SSBP3: variants seen among roughly 807,000 people sequenced by gnomAD.
SSBP3 encodes single-stranded DNA-binding protein 3.
SSBP3 carries 5 observed loss-of-function variants against 69.6 expected under a neutral mutation model. The ratio of observed to expected loss-of-function variants is 0.07; its 90% CI spans 0.04 to 0.15. The LOEUF (loss-of-function observed/expected upper bound fraction) is 0.15. Among genes scored for constraint, SSBP3 ranks in the 10% least tolerant of loss-of-function variants. The probability of loss-of-function intolerance (pLI) is 1.00; values close to 1 mark genes in which losing one functional copy is unlikely to be tolerated. For synonymous variants in SSBP3, 196 were observed against 193.4 expected, an observed-to-expected ratio of 1.01 and a Z score of -0.11; for missense variants, 312 against 534.0, an observed-to-expected ratio of 0.58 and a Z score of 4.10.
Position 54,225,792 on chromosome 1 carries a change from C to T in SSBP3, c.*1339G>A, listed in dbSNP as rs9012. The stretch of plus-strand genomic sequence containing the variant: ...GTGAGTGGGGCCATGAGCACCCTCC[C>T]GGGAGGGGACAGGCTCCACTGTCGG... On this transcript the variant is annotated 3_prime_UTR_variant, in exon 18 of 18. Coordinates refer to ENST00000610401, the Ensembl canonical transcript of SSBP3. The T allele has an allele frequency of 0.29, 44,251 of 152,904 alleles. 6,548 individuals are homozygous for T. Among genetic ancestry groups the T allele is most frequent in the Non-Finnish European group, 0.31 (21,051 of 68,724 alleles). 9.5% of individuals were successfully genotyped at this position (152,904 alleles called of 1,614,324 possible). A position where few individuals can be genotyped will look rare whatever the true frequency, so the allele number is the denominator to read the frequency against.
chr1:54,328,115 G>A lies in SSBP3; in HGVS notation c.277-46588C>T, dbSNP rs1646343160. On this transcript the variant is annotated intron_variant, in intron 4 of 17. Transcript: ENST00000610401. ...TGTACCCTGGAGTCACTCCACAGCC[G>A]TCTTGACCTCGTACCCAGGCAGATC... Among the ~76,000 whole-genome samples the A allele has an allele frequency of 5.9e-5, 9 of 152,210 alleles. No individual in the cohort carries two copies. In the South Asian group the frequency reaches 1.7e-3, roughly 28 times the overall value.
chr1:54,360,741 C>G (rs986910157), intron 4 of SSBP3, among the ~76,000 whole-genome samples: 1 of 152,136 alleles, frequency 6.6e-6, no homozygotes, highest in Admixed American at 6.6e-5. Context: ...ATTTCCTCAC[C>G]TGCAAAATGG....
At chr1:54,333,209 C>T (rs1646451333) in intron 4 of SSBP3, among the ~76,000 whole-genome samples, 1 of 152,130 alleles carries the variant, frequency 6.6e-6, no homozygotes, top group South Asian at 2.1e-4. Context: ...TTGCATACCC[C>T]ACAGAATACG....
intron 4 of SSBP3, chr1:54,336,017 G>A (rs756693116): frequency 1.3e-5 from 2 of 152,268 alleles, no homozygotes; most frequent in Non-Finnish European, 2.9e-5. Context: ...ACCGCTTCCT[G>A]TGTGGCTTCG....
intron 4 of SSBP3, among the ~76,000 whole-genome samples, chr1:54,352,186 T>A (rs893668486): frequency 1.2e-5 from 1 of 81,762 alleles, no homozygotes; most frequent in East Asian, 4.1e-4. Flanking sequence ...AAAAAAACAG[T>A]CCCCTCAGTC....
At chr1:54,268,874 T>C (rs778601146) in intron 5 of SSBP3, among the ~76,000 whole-genome samples, 22 of 152,182 alleles carry the variant, frequency 1.4e-4, no homozygotes, top group Admixed American at 2.6e-4. Flanking sequence ...AGCAGCTCTG[T>C]GGTGCTGCTG....
rs545963869 is a variant in SSBP3 at position 54,239,145 on chromosome 1, C to A, written c.911G>T (p.Gly304Val). ...CAGACTTACGTTGGACCGGCTGCCT[C>A]CAGGCGGCACTGGATTAATCATTGT... The change falls in exon 14 of 18, where the codon GGA (glycine) becomes GTA (valine). Residue 304 changes from glycine to valine, a missense_variant. Transcript: ENST00000610401. 1.5e-5 allele frequency: 24 copies of A among 1,614,066 alleles called. 1 individual carries two copies. The South Asian group carries it at 2.6e-4, about 18-fold the overall frequency.
chr1:54,337,074 C>T (rs184122602), intron 4 of SSBP3, among the ~76,000 whole-genome samples: 113 of 152,370 alleles, frequency 7.4e-4, no homozygotes, highest in African/African-American at 2.6e-3. Context: ...AGTGCGCTGC[C>T]GCAGGTGAGA....
chr1:54,335,075 A>C (rs1317445495), intron 4 of SSBP3, among the ~76,000 whole-genome samples: 1 of 152,128 alleles, frequency 6.6e-6, no homozygotes, highest in African/African-American at 2.4e-5. Context: ...GGCTCTCAGA[A>C]CTAAGGTGAC....
At chr1:54,375,488 C>T (rs534245834) in intron 4 of SSBP3, among the ~76,000 whole-genome samples, 1 of 152,300 alleles carries the variant, frequency 6.6e-6, no homozygotes, top group East Asian at 1.9e-4. Context: ...CATTCTGAGG[C>T]CTGCTTGAAG....
intron 3 of SSBP3, 151 bp from the exon 4 acceptor site, chr1:54,402,096 C>G: frequency 1.6e-6 from 1 of 617,668 alleles, no homozygotes; most frequent in Admixed American, 3.1e-5. Flanking sequence ...GCCTAGAAAA[C>G]AAAACACGTC....
At chr1:54,402,084 C>T (rs985952583) in intron 3 of SSBP3, 139 bp from the exon 4 acceptor site, 2 of 673,388 alleles carry the variant, frequency 3.0e-6, no homozygotes, top group Non-Finnish European at 4.9e-6. Context: ...ATTGGGCAAA[C>T]AGCCTAGAAA....
chr1:54,381,108 GA>G (rs574336003), intron 4 of SSBP3, among the ~76,000 whole-genome samples: 319 of 152,134 alleles, frequency 2.1e-3, no homozygotes, highest in Admixed American at 4.1e-3. Context: ...AGAGAGGCTG[GA>G]AGTGGTGACT....
At chr1:54,369,223 G>C (rs112456627) in intron 4 of SSBP3, among the ~76,000 whole-genome samples, 7 of 150,700 alleles carry the variant, frequency 4.6e-5, no homozygotes, top group East Asian at 2.0e-4. Context: ...TGAGTCGGGG[G>C]GGGGGCCCAA....
At chr1:54,259,391 C>T (rs1644978624) in intron 5 of SSBP3, among the ~76,000 whole-genome samples, 1 of 152,134 alleles carries the variant, frequency 6.6e-6, no homozygotes, top group Non-Finnish European at 1.5e-5. Flanking sequence ...CTGGGTCACA[C>T]CACCAAAGGA....
intron 4 of SSBP3, among the ~76,000 whole-genome samples, chr1:54,289,923 G>A (rs1415110588): frequency 3.3e-5 from 5 of 152,092 alleles, no homozygotes; most frequent in South Asian, 2.1e-4. Context: ...GTCCCCAGGC[G>A]GTCCCTTGTG....
intron 4 of SSBP3, among the ~76,000 whole-genome samples, chr1:54,358,617 G>A (rs1353793909): frequency 6.6e-6 from 1 of 152,182 alleles, no homozygotes; most frequent in African/African-American, 2.4e-5. Flanking sequence ...AAAGTGAGGA[G>A]GATGCCCAGT....
At chr1:54,352,688 C>T (rs894405664) in intron 4 of SSBP3, among the ~76,000 whole-genome samples, 1 of 152,206 alleles carries the variant, frequency 6.6e-6, no homozygotes, top group African/African-American at 2.4e-5. Context: ...TTTGACCATG[C>T]GAGCATCTAG....
At chr1:54,314,288 C>T (rs187224885) in intron 4 of SSBP3, among the ~76,000 whole-genome samples, 29 of 152,298 alleles carry the variant, frequency 1.9e-4, no homozygotes, top group African/African-American at 2.9e-4. Context: ...GAAGTGTATG[C>T]GGGCACACAT....
Sources: gnomAD v4.1 joint callset for allele counts (sites outside exome capture counted in the v4.1 genomes callset) on GRCh38, gnomAD v4.1.1 for gene constraint, MANE v1.5 for transcripts, NCBI Gene and HGNC (gene_info 2026-07-23, HGNC 2026-07-21) for gene names.